Variants in TPH2 observed in about 807,000 individuals in gnomAD.
TPH2 encodes tryptophan hydroxylase 2, also known as tryptophan 5-hydroxylase 2.
Under a neutral mutation model 59.1 loss-of-function variants are expected in TPH2, and 27 were observed. The observed-to-expected ratio is 0.46, with a 90% CI of 0.34 to 0.63. The LOEUF (loss-of-function observed/expected upper bound fraction) is 0.63. TPH2 is among the 30% of genes least tolerant of loss of function. The pLI, the probability that TPH2 is intolerant of heterozygous loss-of-function variation, is 0.01. For synonymous variants in TPH2, 220 were observed against 210.5 expected (o/e 1.05, Z -0.39); for missense variants, 523 against 588.3 (o/e 0.89, Z 1.15).
chr12:71,981,114 GA>G (rs1872264562), intron 7 of TPH2, among the ~76,000 whole-genome samples: 1 of 152,154 alleles, frequency 6.6e-6, no homozygotes, highest in South Asian at 2.1e-4. Flanking sequence ...CTGGAAGGAT[GA>G]GCAGAAATTT....
At chr12:71,971,693 C>G (rs140756438) in intron 5 of TPH2, among the ~76,000 whole-genome samples, 1 of 152,182 alleles carries the variant, frequency 6.6e-6, no homozygotes, top group Non-Finnish European at 1.5e-5. Flanking sequence ...CTACTTCAGT[C>G]CAGCACGGTG....
chr12:71,941,536 G>A (rs1175607881), intron 1 of TPH2, 48 bp from the exon 2 acceptor site: 11 of 1,589,386 alleles, frequency 6.9e-6, no homozygotes, highest in Non-Finnish European at 9.4e-6. Flanking sequence ...GGAGGATTCT[G>A]GAACCCTAAC....
At chr12:71,956,354 G>A (rs995995397) in intron 5 of TPH2, among the ~76,000 whole-genome samples, 1 of 152,120 alleles carries the variant, frequency 6.6e-6, no homozygotes, top group Non-Finnish European at 1.5e-5. Context: ...GGTTCACTGA[G>A]GACCATCTGG....
intron 7 of TPH2, among the ~76,000 whole-genome samples, chr12:71,983,824 C>A (rs1566140842): frequency 6.6e-6 from 1 of 151,078 alleles, no homozygotes; most frequent in Non-Finnish European, 1.5e-5. Context: ...ATAGCACAAA[C>A]CCTGGCAACT....
chr12:71,954,941 A>G (rs1291086846), intron 5 of TPH2, among the ~76,000 whole-genome samples: 3 of 152,002 alleles, frequency 2.0e-5, no homozygotes, highest in Admixed American at 2.0e-4. Flanking sequence ...GCTTAAATTG[A>G]TTTTGAATAT....
intron 7 of TPH2, among the ~76,000 whole-genome samples, chr12:71,993,372 C>T (rs1016115248): frequency 7.2e-5 from 11 of 152,170 alleles, no homozygotes; most frequent in African/African-American, 2.4e-4. Flanking sequence ...TAATTACTAC[C>T]TAGGTAATTG....
At chr12:71,940,842 C>T (rs1262841167) in intron 1 of TPH2, among the ~76,000 whole-genome samples, 1 of 152,136 alleles carries the variant, frequency 6.6e-6, no homozygotes, top group Non-Finnish European at 1.5e-5. Flanking sequence ...TAATCTTTTT[C>T]AGTTTCTCAG....
intron 5 of TPH2, among the ~76,000 whole-genome samples, chr12:71,951,524 T>C (rs544507948): frequency 1.3e-5 from 2 of 152,304 alleles, no homozygotes; most frequent in East Asian, 3.9e-4. Flanking sequence ...AATTTACTTT[T>C]TGTATTTTTG....
chr12:71,957,679 C>G (rs950856448), intron 5 of TPH2, among the ~76,000 whole-genome samples: 2 of 152,150 alleles, frequency 1.3e-5, no homozygotes, highest in Non-Finnish European at 2.9e-5. Flanking sequence ...ATTTCAGGCT[C>G]CATAATGGGC....
chr12:71,994,356 T>G, intron 7 of TPH2, 83 bp from the exon 8 acceptor site: 1 of 1,469,096 alleles, frequency 6.8e-7, no homozygotes, highest in Non-Finnish European at 9.5e-7. Context: ...GACAAGGTCT[T>G]ATTTAGGTTT....
intron 5 of TPH2, among the ~76,000 whole-genome samples, chr12:71,959,055 G>A (rs1213412869): frequency 1.9e-5 from 2 of 105,882 alleles, no homozygotes; most frequent in African/African-American, 7.1e-5. Context: ...TCGAAGCAGA[G>A]AAGGGCATTT....
At chr12:71,949,760 G>T in intron 5 of TPH2, 105 bp downstream of exon 5, 1 of 983,686 alleles carries the variant, frequency 1.0e-6, no homozygotes, top group Middle Eastern at 2.3e-4. Flanking sequence ...CAGAAAGCAG[G>T]TGTGAACCAT....
At chr12:71,952,016 T>C (rs1264400420) in intron 5 of TPH2, among the ~76,000 whole-genome samples, 1 of 152,140 alleles carries the variant, frequency 6.6e-6, no homozygotes, top group Non-Finnish European at 1.5e-5. Context: ...TTCTTCTTGA[T>C]AGAATTCAAA....
chr12:71,958,370 T>C (rs1480452111), intron 5 of TPH2, among the ~76,000 whole-genome samples: 1 of 152,230 alleles, frequency 6.6e-6, no homozygotes, highest in Non-Finnish European at 1.5e-5. Context: ...CAACTTCCAC[T>C]TGACATAGGT....
chr12:71,980,930 TA>T lies in TPH2; in HGVS notation c.941+1851del, dbSNP rs34487536. 3.7e-4 allele frequency among the ~76,000 whole-genome samples: 56 copies of T among 152,320 alleles called. No individual in the cohort carries two copies. The East Asian group carries it at 5.2e-3, about 14-fold the overall frequency. ...AGAGATAAATAAAATATAGTAGCTT[TA>T]AAAAAAATTTTTTTTAAAGCAGTTC... On this transcript the variant is annotated intron_variant, in intron 7 of 10. Transcript: ENST00000333850.
intron 5 of TPH2, among the ~76,000 whole-genome samples, chr12:71,959,153 T>G (rs1211478879): frequency 6.6e-6 from 1 of 152,026 alleles, no homozygotes; most frequent in African/African-American, 2.4e-5. Flanking sequence ...GATTCAGTAC[T>G]GTGCAGTGCA....
intron 8 of TPH2, among the ~76,000 whole-genome samples, chr12:72,019,441 T>C (rs1238379773): frequency 6.6e-6 from 1 of 152,206 alleles, no homozygotes; most frequent in Admixed American, 6.5e-5. Flanking sequence ...TCCCCCCTTC[T>C]AGGAACATCA....
At chr12:71,959,911 A>AT (rs1871631064) in intron 5 of TPH2, among the ~76,000 whole-genome samples, 1 of 152,080 alleles carries the variant, frequency 6.6e-6, no homozygotes, top group South Asian at 2.1e-4. Flanking sequence ...CCAAGCTTTA[A>AT]TTTTTTTCCT....
rs751249661 is a variant in TPH2 at position 71,944,602 on chromosome 12, C to G, written c.456C>G (p.Pro152=). Residue 152 remains proline, a synonymous_variant, in exon 4 of 11, where the codon CCC becomes CCG. Transcript: ENST00000333850. ...TTTCAACAGAGCTAGAGGATGTGCC[C>G]TGGTTCCCTCGGAAGATCTCTGAGT... The part of the protein sequence containing the change: ...WTEEEELEDV[P]WFPRKISELD... The G allele has an allele frequency of 1.2e-6, 2 of 1,613,936 alleles. No individual in the cohort carries two copies. Among genetic ancestry groups the G allele is most frequent in the East Asian group, 4.5e-5 (2 of 44,874 alleles).
Sources: allele counts gnomAD v4.1 joint callset (sites outside exome capture counted in the v4.1 genomes callset), GRCh38; gene constraint gnomAD v4.1.1; transcripts MANE v1.5; gene names NCBI Gene and HGNC (gene_info 2026-07-23, HGNC 2026-07-21).